The following MICU3 variants were observed in gnomAD, a reference collection of about 807,000 sequenced individuals.
MICU3 encodes the protein mitochondrial calcium uptake 3.
Under a neutral mutation model 66.5 loss-of-function variants are expected in MICU3, and 62 were observed. The ratio of observed to expected loss-of-function variants is 0.93; its 90% CI spans 0.76 to 1.15. The LOEUF (loss-of-function observed/expected upper bound fraction) is 1.15. Among genes scored for constraint, MICU3 ranks in the 50% most tolerant of loss-of-function variants. MICU3 has a pLI of 0.00. For synonymous variants in MICU3, 308 were observed against 240.7 expected (o/e 1.28, Z -2.59); for missense variants, 779 against 664.4 (o/e 1.17, Z -1.90).
At chr8:17,054,193 C>T (rs1224450638) in intron 1 of MICU3, among the ~76,000 whole-genome samples, 2 of 152,170 alleles carry the variant, frequency 1.3e-5, no homozygotes. Context: ...AAAAGTTTCA[C>T]ATATCTAGTT....
chr8:17,069,909 T>C (rs1447862365), intron 3 of MICU3, among the ~76,000 whole-genome samples, 190 bp downstream of exon 3: 2 of 152,000 alleles, frequency 1.3e-5, no homozygotes, highest in South Asian at 2.1e-4. Flanking sequence ...GGTGGACGTT[T>C]CTAAGGGCTG....
the MICU3 span, among the ~76,000 whole-genome samples, chr8:17,138,493 A>G: frequency 3.3e-5 from 5 of 152,148 alleles, no homozygotes; most frequent in Non-Finnish European, 7.3e-5. Context: ...GCAAAGAAAA[A>G]AATGCAAGAA....
At position 17,070,650 on chromosome 8, in the gene MICU3, T is replaced by A. The variant is rs373866524; in HGVS notation, c.567+931T>A. ...TTTTTATAGATATGTTTTTTTTTTT[T>A]AAAAAAAAGAATATTAGAAATCTAG... On this transcript the variant is annotated intron_variant, in intron 3 of 14. Coordinates refer to ENST00000318063, the MANE Select transcript of MICU3 (RefSeq NM_181723.3). 4.4e-3 allele frequency among the ~76,000 whole-genome samples: 594 copies of A among 136,414 alleles called. 3 individuals are homozygous for A. The highest frequency in any genetic ancestry group is 8.2e-3 in the Middle Eastern group (2 of 244). The allele number at this position is 136,414 out of a possible 152,430, so 89.5% of individuals were successfully genotyped here.
intron 2 of MICU3, among the ~76,000 whole-genome samples, chr8:17,068,540 C>A (rs896707496): frequency 6.6e-6 from 1 of 152,092 alleles, no homozygotes; most frequent in East Asian, 1.9e-4. Flanking sequence ...TGTCTTTGCA[C>A]CAGTGTCATA....
chr8:17,099,065 G>A (rs992505459), intron 9 of MICU3, among the ~76,000 whole-genome samples: 1 of 151,594 alleles, frequency 6.6e-6, no homozygotes, highest in Non-Finnish European at 1.5e-5. Flanking sequence ...AAAGCAGACC[G>A]ACCTTATTTC....
In MICU3 at chr8:17,064,209, T is replaced by C; in HGVS notation, c.507T>C (p.Ile169=). The C allele has an allele frequency of 6.2e-7, 1 of 1,612,386 alleles. No homozygotes were observed. Residue 169 remains isoleucine (I), a synonymous_variant, in exon 2 of 15, where the codon ATT becomes ATC. Transcript: ENST00000318063. ...TATTCATGACTCCGTATGATTTTATTTTGGCTGTTACAACAGATGAGCCCA... is the reference window on the plus strand; with the variant it reads ...TATTCATGACTCCGTATGATTTTATCTTGGCTGTTACAACAGATGAGCCCA... ...GQLFMTPYDF[I]LAVTTDEPKV... is the part of the protein sequence containing the mutation.
chr8:17,087,482 G>C (rs1273236469), intron 7 of MICU3, among the ~76,000 whole-genome samples: 2 of 151,838 alleles, frequency 1.3e-5, no homozygotes, highest in East Asian at 1.9e-4. Context: ...TCTTCTTCTG[G>C]GATATATAAT....
chr8:17,030,112 G>T (rs1008467652), intron 1 of MICU3, among the ~76,000 whole-genome samples: 1 of 151,864 alleles, frequency 6.6e-6, no homozygotes, highest in Non-Finnish European at 1.5e-5. Flanking sequence ...TTTCTATATG[G>T]CTGCTATATT....
intron 12 of MICU3, 34 bp from the exon 13 acceptor site, chr8:17,116,407 AAC>A (rs753605074): frequency 2.0e-5 from 26 of 1,299,614 alleles, no homozygotes; most frequent in Non-Finnish European, 2.4e-5. Context: ...TAAAAATAAT[AAC>A]AGTCTATTCT....
At chr8:17,122,918 C>T (rs1349239458), downstream of MICU3, among the ~76,000 whole-genome samples, 1 of 151,932 alleles carries the variant, frequency 6.6e-6, no homozygotes, top group Non-Finnish European at 1.5e-5. Context: ...TTATATGTGA[C>T]TTAATGGAGT....
intron 1 of MICU3, among the ~76,000 whole-genome samples, chr8:17,052,946 TTA>T (rs992193526): frequency 2.0e-5 from 3 of 152,166 alleles, no homozygotes; most frequent in African/African-American, 7.2e-5. Flanking sequence ...AGATTATTTT[TTA>T]TGTTTTATAA....
intron 1 of MICU3, among the ~76,000 whole-genome samples, chr8:17,049,123 G>A (rs1047425133): frequency 5.9e-5 from 9 of 152,008 alleles, no homozygotes; most frequent in Non-Finnish European, 7.4e-5. Flanking sequence ...TTTTCTCTTC[G>A]ATGATGAGAC....
At chr8:17,123,546 T>C (rs531442537), downstream of MICU3, among the ~76,000 whole-genome samples, 1 of 152,150 alleles carries the variant, frequency 6.6e-6, no homozygotes, top group African/African-American at 2.4e-5. Flanking sequence ...AGTTATATAA[T>C]GTATAGTATT....
chr8:17,106,521 G>A (rs1801752973), intron 11 of MICU3, among the ~76,000 whole-genome samples: 1 of 147,908 alleles, frequency 6.8e-6, no homozygotes, highest in African/African-American at 2.5e-5. Context: ...CAGCTACTGA[G>A]GTATTACTTA....
At chr8:17,050,993 G>T (rs974027940) in intron 1 of MICU3, among the ~76,000 whole-genome samples, 4 of 152,006 alleles carry the variant, frequency 2.6e-5, no homozygotes, top group Admixed American at 1.3e-4. Context: ...TCTCTCCCTC[G>T]AGTAGTTTGA....
In MICU3 at chr8:17,121,561, CCTTT is replaced by C. The variant is rs1011067671; in HGVS notation, c.*1277_*1280del. The C allele has an allele frequency of 3.9e-5, 6 of 152,142 alleles. No homozygotes were observed. Among genetic ancestry groups the C allele is most frequent in the African/African-American group, 7.2e-5 (3 of 41,406 alleles). The allele number at this position is 152,142 out of a possible 1,614,324, so 9.4% of individuals were successfully genotyped here. On this transcript the variant is annotated 3_prime_UTR_variant, in exon 15 of 15. Coordinates refer to ENST00000318063, the MANE Select transcript of MICU3 (RefSeq NM_181723.3). Reference sequence around the variant, plus strand: ...TATGGAAGATAAGTTCATTTATCTTCCTTTCTAAGACATATTTAATGTAGGTTAC... The same window carrying C: ...TATGGAAGATAAGTTCATTTATCTTCCTAAGACATATTTAATGTAGGTTAC...
rs1554539276 is a variant in MICU3, at chr8:17,114,137, C to T, written c.1302C>T (p.Asn434=). Residue 434 remains asparagine, a synonymous_variant, in exon 12 of 15, where the codon AAC becomes AAT. Coordinates refer to ENST00000318063, the MANE Select transcript of MICU3 (RefSeq NM_181723.3). ...DEFRSFFQFL[N]NLEDFAIALN... The stretch of plus-strand genomic sequence containing the variant: ...TCAGGTCATTTTTCCAGTTTTTAAA[C>T]AACCTAGAAGACTTTGCAATAGCCC... 1 of 1,611,668 alleles carries T rather than the reference C, an allele frequency of 6.2e-7. No homozygotes were observed. Among genetic ancestry groups the T allele is most frequent in the Non-Finnish European group, 8.5e-7 (1 of 1,178,868 alleles).
At chr8:17,028,681 C>G (rs193043361) in intron 1 of MICU3, among the ~76,000 whole-genome samples, 2 of 152,268 alleles carry the variant, frequency 1.3e-5, no homozygotes, top group Admixed American at 1.3e-4. Context: ...AATTAGGTTA[C>G]GGAATCTGCT....
chr8:17,076,140 C>T (rs1477607922), intron 3 of MICU3, among the ~76,000 whole-genome samples: 1 of 152,002 alleles, frequency 6.6e-6, no homozygotes, highest in Non-Finnish European at 1.5e-5. Context: ...GATTTTTCCA[C>T]CTCAGCCTCC....
Sources: allele counts gnomAD v4.1 joint callset (sites outside exome capture counted in the v4.1 genomes callset), GRCh38; gene constraint gnomAD v4.1.1; transcripts MANE v1.5; gene names NCBI Gene and HGNC (gene_info 2026-07-23, HGNC 2026-07-21).